PRKDC: variants seen among roughly 807,000 people sequenced by gnomAD.
PRKDC encodes protein kinase, DNA-activated, catalytic subunit, also known as DNA-dependent protein kinase catalytic subunit.
Under a neutral mutation model 486.9 loss-of-function variants are expected in PRKDC, and 82 were observed. The observed-to-expected ratio is 0.17, with a 90% CI of 0.14 to 0.20. The LOEUF (loss-of-function observed/expected upper bound fraction) is 0.20, where lower values mean the gene tolerates loss of function less well. Among genes scored for constraint, PRKDC ranks in the 10% least tolerant of loss-of-function variants. The pLI is 1.00. For missense variants in PRKDC, 4,504 were observed against 5,038.2 expected, an observed-to-expected ratio of 0.89 and a Z score of 3.21; for synonymous variants, 1,895 against 1,837.0, an observed-to-expected ratio of 1.03 and a Z score of -0.81.
intron 11 of PRKDC, 66 bp from the exon 12 acceptor site, chr8:47,936,583 C>A: frequency 6.5e-7 from 1 of 1,538,168 alleles, no homozygotes; most frequent in South Asian, 1.2e-5. Flanking sequence ...TTTAAGGTGT[C>A]ATGTTAAGCC....
In PRKDC at chr8:47,953,809, G is replaced by T; in HGVS notation, c.619C>A (p.Gln207Lys). 1 of 1,572,188 alleles carries T rather than the reference G, an allele frequency of 6.4e-7. No individual in the cohort carries two copies. The highest frequency in any genetic ancestry group is 2.3e-5 in the East Asian group (1 of 43,532). Residue 207 changes from glutamine (Q) to lysine (K), a missense_variant and splice_region_variant, in exon 6 of 86, where the codon CAG becomes AAG. Physicochemically the swap from Gln to Lys is moderately conservative, Grantham distance 53. Coordinates refer to ENST00000314191, the MANE Select transcript of PRKDC (RefSeq NM_006904.7). ...FRAFLGELKT[Q>K]MTSAVREPKL... Reference sequence around the variant, plus strand: ...GAATGTCATAAAGTTCATCATACCTGGGTCTTAAGTTCACCCAGAAAAGCG... The same window carrying T: ...GAATGTCATAAAGTTCATCATACCTTGGTCTTAAGTTCACCCAGAAAAGCG...
At chr8:47,860,690 G>A (rs2088657129) in intron 45 of PRKDC, among the ~76,000 whole-genome samples, 1 of 152,184 alleles carries the variant, frequency 6.6e-6, no homozygotes, top group African/African-American at 2.4e-5. Context: ...TTTCTATGCA[G>A]CTAAGTTTAG....
At chr8:47,882,236 C>T in intron 36 of PRKDC, 139 bp from the exon 37 acceptor site, 2 of 819,544 alleles carry the variant, frequency 2.4e-6, no homozygotes, top group Non-Finnish European at 3.7e-6. Flanking sequence ...CTTCAAAACT[C>T]CTCGAGTTTG....
chr8:47,877,525 T>C (rs1198991887), intron 40 of PRKDC, among the ~76,000 whole-genome samples, 199 bp downstream of exon 40: 2 of 152,210 alleles, frequency 1.3e-5, no homozygotes, highest in Non-Finnish European at 2.9e-5. Context: ...TCTGGGGCCT[T>C]ATTTATACTC....
intron 42 of PRKDC, 23 bp from the exon 43 acceptor site, chr8:47,862,564 A>C (rs2088701375): frequency 6.4e-7 from 1 of 1,574,282 alleles, no homozygotes; most frequent in Non-Finnish European, 8.7e-7. Context: ...CCATGTGACA[A>C]ATCAATTCAC....
At position 47,796,479 on chromosome 8, in the gene PRKDC, C is replaced by T. The variant is rs997363325; in HGVS notation, c.10458+1758G>A. 8.5e-5 allele frequency among the ~76,000 whole-genome samples: 13 copies of T among 152,144 alleles called. 1 individual carries two copies. The highest frequency in any genetic ancestry group is 2.6e-4 in the Admixed American group (4 of 15,258). Reference sequence around the variant, plus strand: ...TTATTTGCCTTACATCCTTTAATCACGCATGCATTTCCTCCCACCATTTTC... The same window carrying T: ...TTATTTGCCTTACATCCTTTAATCATGCATGCATTTCCTCCCACCATTTTC... On this transcript the variant is annotated intron_variant, in intron 73 of 85. Transcript: ENST00000314191.
chr8:47,916,826 G>C (rs1346897487), intron 22 of PRKDC, among the ~76,000 whole-genome samples: 3 of 152,182 alleles, frequency 2.0e-5, no homozygotes, highest in Admixed American at 6.5e-5. Context: ...GTCAACGCTA[G>C]AGAATCAACA....
intron 59 of PRKDC, among the ~76,000 whole-genome samples, chr8:47,833,709 T>C (rs2087941835): frequency 6.6e-6 from 1 of 152,068 alleles, no homozygotes; most frequent in Admixed American, 6.6e-5. Flanking sequence ...CCCCGAAGCG[T>C]CCCTTCACCT....
rs750761283 is a variant in PRKDC, at chr8:47,778,498, G to A, written c.11814C>T (p.Ile3938=). 27 of 1,613,378 alleles carry A rather than the reference G, an allele frequency of 1.7e-5. No homozygotes were observed. The highest frequency in any genetic ancestry group is 6.7e-5 in the African/African-American group (5 of 74,900). The change falls in exon 83 of 86, where the codon ATC becomes ATT. Residue 3938 remains isoleucine, a synonymous_variant. Transcript: ENST00000314191. ...FMVAMETGGV[I]GIDFGHAFGS... is the part of the protein sequence containing the mutation. ...CAAACGCATGCCCAAAGTCGATCCC[G>A]ATCACGCCGCCAGTCTCCATGGCCA...
At chr8:47,903,737 C>A (rs1316533607) in intron 26 of PRKDC, among the ~76,000 whole-genome samples, 1 of 152,150 alleles carries the variant, frequency 6.6e-6, no homozygotes, top group Admixed American at 6.6e-5. Context: ...CTTAATCTAC[C>A]TTCAAGGATC....
chr8:47,913,897 G>A lies in PRKDC; in HGVS notation c.2781+4C>T, dbSNP rs753255222. 13 of 1,591,128 alleles carry A rather than the reference G, an allele frequency of 8.2e-6. No homozygotes were observed. The African/African-American group carries it at 1.8e-4, about 22-fold the overall frequency. On this transcript the variant is annotated splice_donor_region_variant and intron_variant, in intron 24 of 85. Transcript: ENST00000314191. The stretch of plus-strand genomic sequence containing the variant: ...ATAATGGGTGAAATGAAAAATAGAA[G>A]TACTTTAGTTTGTCTGTCACTGGCT...
At chr8:47,792,545 A>C (rs972434666) in intron 74 of PRKDC, among the ~76,000 whole-genome samples, 2 of 152,122 alleles carry the variant, frequency 1.3e-5, no homozygotes, top group African/African-American at 4.8e-5. Context: ...GGCGTGAGCC[A>C]CCGCACCCGG....
intron 7 of PRKDC, among the ~76,000 whole-genome samples, chr8:47,945,597 C>CT (rs1563817815): frequency 6.6e-6 from 1 of 152,238 alleles, no homozygotes; most frequent in African/African-American, 2.4e-5. Context: ...CTTTTTAAGT[C>CT]TAAGTAATGT....
rs770793718 is a variant in PRKDC at position 47,953,703 on chromosome 8, C to T, written c.638G>A (p.Arg213Lys). Residue 213 changes from arginine (R) to lysine (K), a missense_variant, in exon 7 of 86, where the codon AGA becomes AAA. This residue lies in a region of PRKDC where 1,969 missense variants were observed against 2,068.9 expected (regional missense o/e 0.95). Coordinates refer to ENST00000314191, the MANE Select transcript of PRKDC (RefSeq NM_006904.7). ...TGCCAGAACAGGTAGTTTGGGCTCT[C>T]TTACTGCTGATGTCATCTAAAAGAA... is the stretch of plus-strand genomic sequence containing the variant. ...ELKTQMTSAV[R>K]EPKLPVLAGC... The T allele has an allele frequency of 1.9e-6, 3 of 1,612,614 alleles. No homozygotes were observed. The East Asian group carries it at 6.7e-5, about 36-fold the overall frequency.
chr8:47,794,528 C>G (rs1390860531), intron 73 of PRKDC, 27 bp from the exon 74 acceptor site: 4 of 1,501,338 alleles, frequency 2.7e-6, no homozygotes, highest in Non-Finnish European at 3.7e-6. Context: ...AAACTTAATG[C>G]TGAGTAAAAC....
intron 45 of PRKDC, 54 bp from the exon 46 acceptor site, chr8:47,859,813 A>G: frequency 6.8e-7 from 1 of 1,478,698 alleles, no homozygotes; most frequent in Non-Finnish European, 9.3e-7. Flanking sequence ...TTAGTAAGAA[A>G]TGTATTTCTC....
At chr8:47,892,756 GA>G (rs1235329934) in intron 31 of PRKDC, among the ~76,000 whole-genome samples, 1 of 152,160 alleles carries the variant, frequency 6.6e-6, no homozygotes, top group African/African-American at 2.4e-5. Context: ...ATGAGAATAT[GA>G]ATTAAGGGAC....
chr8:47,885,640 C>A (rs1394320030), intron 36 of PRKDC, among the ~76,000 whole-genome samples: 1 of 152,074 alleles, frequency 6.6e-6, no homozygotes, highest in Non-Finnish European at 1.5e-5. Context: ...CGCCTGTAAT[C>A]CCAGCACTTC....
At chr8:47,866,520 G>C (rs568763995) in intron 40 of PRKDC, among the ~76,000 whole-genome samples, 19 of 152,222 alleles carry the variant, frequency 1.2e-4, no homozygotes, top group Non-Finnish European at 1.9e-4. Flanking sequence ...AAAATAAAAA[G>C]AGCAAAGACC....
Sources: allele counts gnomAD v4.1 joint callset (sites outside exome capture counted in the v4.1 genomes callset), GRCh38; gene constraint gnomAD v4.1.1; regional missense constraint gnomAD v4.1.1; transcripts MANE v1.5; gene names NCBI Gene and HGNC (gene_info 2026-07-23, HGNC 2026-07-21).